The following MDFIC variants were observed in gnomAD, a reference collection of about 807,000 sequenced individuals.
MDFIC encodes the protein MyoD family inhibitor domain containing, also known as myoD family inhibitor domain-containing protein.
MDFIC carries 17 observed loss-of-function variants against 23.2 expected under a neutral mutation model. The observed-to-expected ratio is 0.73, with a 90% CI of 0.50 to 1.10. MDFIC has a LOEUF of 1.10. MDFIC is among the 50% of genes least tolerant of loss of function. The pLI is 0.00. For missense variants in MDFIC, 356 were observed against 316.6 expected (o/e 1.12, Z -0.95); for synonymous variants, 120 against 115.2 (o/e 1.04, Z -0.27).
intron 4 of MDFIC, among the ~76,000 whole-genome samples, chr7:114,984,056 C>T (rs763910106): frequency 2.6e-5 from 4 of 152,122 alleles, no homozygotes; most frequent in Non-Finnish European, 4.4e-5. Flanking sequence ...CTCAGACATT[C>T]TGGTTCCACA....
At chr7:114,963,228 G>T (rs1793029091) in intron 3 of MDFIC, among the ~76,000 whole-genome samples, 3 of 152,160 alleles carry the variant, frequency 2.0e-5, no homozygotes. Flanking sequence ...CTATTGCTGG[G>T]AATGGTTTAT....
At chr7:115,001,940 G>C (rs1039797625) in intron 4 of MDFIC, among the ~76,000 whole-genome samples, 1 of 152,018 alleles carries the variant, frequency 6.6e-6, no homozygotes, top group African/African-American at 2.4e-5. Flanking sequence ...AGTTTGAGCC[G>C]AGCCTGGCCA....
At chr7:114,962,048 C>A (rs1043349865) in intron 3 of MDFIC, among the ~76,000 whole-genome samples, 4 of 152,266 alleles carry the variant, frequency 2.6e-5, no homozygotes, top group African/African-American at 9.6e-5. Context: ...AATTGCAAGG[C>A]ATAATGAAGT....
At chr7:114,983,563 C>T (rs373741680) in intron 4 of MDFIC, among the ~76,000 whole-genome samples, 31 of 88,294 alleles carry the variant, frequency 3.5e-4, no homozygotes, top group Admixed American at 7.9e-4. Flanking sequence ...TCATCAGGTA[C>T]TTTTTTTTTT....
At position 114,927,019 on chromosome 7, in the gene MDFIC, G is replaced by T. The variant is rs184559905; in HGVS notation, c.94+3892G>T. The stretch of plus-strand genomic sequence containing the variant: ...GGCATGTTTGGTGGTCGTAATGGGG[G>T]TGCTACTAGCATCTAGTGAGTGGAG... On this transcript the variant is annotated intron_variant, in intron 2 of 4. Transcript: ENST00000393486. Among the ~76,000 whole-genome samples, 153 of 152,164 alleles carry T rather than the reference G, an allele frequency of 1.0e-3. 1 individual carries two copies. The highest frequency in any genetic ancestry group is 5.5e-3 in the Admixed American group (84 of 15,278).
chr7:114,940,151 T>C (rs1792509748), intron 2 of MDFIC, among the ~76,000 whole-genome samples: 1 of 152,220 alleles, frequency 6.6e-6, no homozygotes, highest in Admixed American at 6.5e-5. Context: ...ATCTAGAACA[T>C]ATTGGTTTAG....
intron 2 of MDFIC, among the ~76,000 whole-genome samples, chr7:114,925,036 A>G (rs933417950): frequency 1.3e-5 from 2 of 152,136 alleles, no homozygotes; most frequent in African/African-American, 2.4e-5. Flanking sequence ...TAATAATTCT[A>G]CGGTAGGATA....
intron 3 of MDFIC, among the ~76,000 whole-genome samples, chr7:114,954,995 C>T (rs745432727): frequency 5.9e-5 from 9 of 152,258 alleles, no homozygotes; most frequent in East Asian, 3.9e-4. Flanking sequence ...TGCCTCTCGT[C>T]GGTCTTTTGC....
intron 3 of MDFIC, among the ~76,000 whole-genome samples, chr7:114,949,296 G>A (rs1792712690): frequency 6.6e-6 from 1 of 152,188 alleles, no homozygotes; most frequent in Non-Finnish European, 1.5e-5. Flanking sequence ...GCTCAGTGAG[G>A]AGGTAGATTT....
chr7:114,970,908 C>T (rs1000121791), intron 3 of MDFIC, among the ~76,000 whole-genome samples: 2 of 152,186 alleles, frequency 1.3e-5, no homozygotes, highest in Non-Finnish European at 2.9e-5. Flanking sequence ...AGTTCTTCCT[C>T]TACTCACCAG....
chr7:115,007,382 C>T (rs1791589814), intron 4 of MDFIC, among the ~76,000 whole-genome samples: 1 of 151,788 alleles, frequency 6.6e-6, no homozygotes, highest in African/African-American at 2.4e-5. Context: ...ATGTTATTAC[C>T]AGCTATTAAA....
chr7:114,935,212 A>G (rs1480045370), intron 2 of MDFIC, among the ~76,000 whole-genome samples: 1 of 152,136 alleles, frequency 6.6e-6, no homozygotes, highest in Non-Finnish European at 1.5e-5. Flanking sequence ...GTTTAAAGCA[A>G]GTTTGTTATA....
chr7:115,015,979 A>C lies in MDFIC; in HGVS notation c.*44A>C. 6.4e-7 allele frequency: 1 copy of C among 1,571,296 alleles called. No homozygotes were observed. The highest frequency in any genetic ancestry group is 8.6e-7 in the Non-Finnish European group (1 of 1,159,530). On this transcript the variant is annotated 3_prime_UTR_variant, in exon 5 of 5. Transcript: ENST00000393486. ...TGTTAAAACTGGAGAGTGTTTAAAA[A>C]TTTCCTTTTGGGGGGAAGAAAAGCA... is the stretch of plus-strand genomic sequence containing the variant.
chr7:115,013,110 A>T (rs1791713110), intron 4 of MDFIC, among the ~76,000 whole-genome samples: 1 of 152,210 alleles, frequency 6.6e-6, no homozygotes, highest in Non-Finnish European at 1.5e-5. Context: ...CAAATACAGG[A>T]TGTTGAGCCG....
chr7:115,007,920 C>T (rs1562829410), intron 4 of MDFIC, among the ~76,000 whole-genome samples: 1 of 140,738 alleles, frequency 7.1e-6, no homozygotes, highest in Admixed American at 7.6e-5. Flanking sequence ...GGTAGTCAAA[C>T]TCCTGGGCTC....
chr7:115,014,775 A>T (rs1791760290), intron 4 of MDFIC, among the ~76,000 whole-genome samples: 1 of 152,096 alleles, frequency 6.6e-6, no homozygotes, highest in African/African-American at 2.4e-5. Context: ...TCCTTCCATT[A>T]CCCCTCTCAC....
intron 3 of MDFIC, among the ~76,000 whole-genome samples, chr7:114,974,694 G>T (rs1793273536): frequency 6.6e-6 from 1 of 151,958 alleles, no homozygotes; most frequent in Non-Finnish European, 1.5e-5. Context: ...GTTATTACTA[G>T]CTACAATATC....
Position 114,981,732 on chromosome 7 carries a change from G to A in MDFIC, c.493+1951G>A, listed in dbSNP as rs567825583. 1.6e-4 allele frequency among the ~76,000 whole-genome samples: 25 copies of A among 152,282 alleles called. 1 individual carries two copies. The South Asian group carries it at 5.2e-3, about 32-fold the overall frequency. On this transcript the variant is annotated intron_variant, in intron 4 of 4. Transcript: ENST00000393486. Reference sequence around the variant, plus strand: ...ATAGAATTTAGACAATTGTAGGTTTGTTTTATTGTGATTGCTTGAATCTAG... The same window carrying A: ...ATAGAATTTAGACAATTGTAGGTTTATTTTATTGTGATTGCTTGAATCTAG...
At chr7:115,010,064 CTTA>C (rs565079441) in intron 4 of MDFIC, among the ~76,000 whole-genome samples, 14,926 of 152,140 alleles carry the variant, frequency 0.098, 1,063 homozygotes, top group African/African-American at 0.2. Flanking sequence ...AAACTGAAAT[CTTA>C]AGAACAGGGG....
Sources: allele counts gnomAD v4.1 joint callset (sites outside exome capture counted in the v4.1 genomes callset), GRCh38; gene constraint gnomAD v4.1.1; transcripts MANE v1.5; gene names NCBI Gene and HGNC (gene_info 2026-07-23, HGNC 2026-07-21).